TFEB: variants seen among roughly 807,000 people sequenced by gnomAD.
TFEB encodes the protein T-cell transcription factor EB.
TFEB carries 12 observed loss-of-function variants against 48.0 expected under a neutral mutation model. The ratio of observed to expected loss-of-function variants is 0.25; its 90% CI spans 0.16 to 0.40. The LOEUF (loss-of-function observed/expected upper bound fraction) is 0.40. Ranked by LOEUF, TFEB falls within the 10% of genes least tolerant of loss-of-function variation. The pLI is 1.00. For synonymous variants in TFEB, 244 were observed against 261.4 expected (o/e 0.93, Z 0.64); for missense variants, 509 against 640.3 (o/e 0.79, Z 2.21).
chr6:41,698,246 G>A (rs1405819805), intron 1 of TFEB, among the ~76,000 whole-genome samples: 4 of 152,184 alleles, frequency 2.6e-5, no homozygotes. Flanking sequence ...GAGTGGCAAG[G>A]CTGGACCCTG....
rs1395450019 is a variant in TFEB, at chr6:41,687,977, T to C, written c.601A>G (p.Thr201Ala). ...LNVYSSDPQV[T>A]ASLVGVTSSS... Reference sequence around the variant, plus strand: ...CTGGTGACGCCCACCAGGGAGGCTGTGACCTGGGGGTCGCTGCTGTACACA... The same window carrying C: ...CTGGTGACGCCCACCAGGGAGGCTGCGACCTGGGGGTCGCTGCTGTACACA... The change falls in exon 5 of 9, where the codon ACA becomes GCA. Residue 201 changes from threonine (T) to alanine (A), a missense_variant. By Grantham distance (58) the Thr-to-Ala change is moderately conservative. Around this residue, in one of 4 missense-constraint regions of TFEB, gnomAD observed 251 missense variants for 317.2 expected, o/e 0.79. Coordinates refer to ENST00000373033, the MANE Select transcript of TFEB (RefSeq NM_001271944.2). The C allele has an allele frequency of 3.1e-6, 5 of 1,613,984 alleles. No homozygotes were observed. The highest frequency in any genetic ancestry group is 1.7e-6 in the Non-Finnish European group (2 of 1,179,962).
chr6:41,688,788 A>G (rs947153071), intron 4 of TFEB, among the ~76,000 whole-genome samples: 3 of 152,146 alleles, frequency 2.0e-5, no homozygotes, highest in African/African-American at 4.8e-5. Flanking sequence ...GCCAGCTCCT[A>G]CTAAGCCACT....
chr6:41,687,841 GGGAGGGAGGGAGAAAA>G, intron 5 of TFEB, 32 bp from the exon 6 acceptor site: 1 of 1,611,112 alleles, frequency 6.2e-7, no homozygotes, highest in Non-Finnish European at 8.5e-7. Context: ...GAGAGGAGCT[GGGAGGGAGGGAGAAAA>G]GGAGGGAGGA....
In TFEB at chr6:41,691,511, C is replaced by A; in HGVS notation, c.-22-276G>T. 1 of 644,964 alleles carries A rather than the reference C, an allele frequency of 1.6e-6. No individual in the cohort carries two copies. The highest frequency in any genetic ancestry group is 1.7e-5 in the South Asian group (1 of 58,040). The allele number at this position is 644,964 out of a possible 1,614,324, so 40.0% of individuals were successfully genotyped here. On this transcript the variant is annotated intron_variant, in intron 1 of 8. Transcript: ENST00000373033. The surrounding 1 kb of genome is among the most constrained non-coding windows in gnomAD (Gnocchi z 5.2). ...CCCAAACTCTAAGAGTCAACTTCCA[C>A]TCCTCTCTGTGTCACGCCCACATCC...
Position 41,723,466 on chromosome 6 carries a change from A to C in TFEB, c.-23+11884T>G. On this transcript the variant is annotated intron_variant, in intron 1 of 8. Transcript: ENST00000373033. This position sits in a 1 kb window ranked among gnomAD's most constrained non-coding sequence, Gnocchi z 6.0. ...GCACGCGTGTGCTCTCATACCTTCGAGAGGGCAGCCCCCTGGAAGGAGGCC... is the reference window on the plus strand; with the variant it reads ...GCACGCGTGTGCTCTCATACCTTCGCGAGGGCAGCCCCCTGGAAGGAGGCC... 7.8e-7 allele frequency: 1 copy of C among 1,288,900 alleles called. No individual in the cohort carries two copies. Among genetic ancestry groups the C allele is most frequent in the Non-Finnish European group, 1.0e-6 (1 of 988,348 alleles). The allele number at this position is 1,288,900 out of a possible 1,614,324, so 79.8% of individuals were successfully genotyped here.
Position 41,734,934 on chromosome 6 carries a change from C to G in TFEB, c.-23+416G>C, listed in dbSNP as rs1045130402. The G allele has an allele frequency of 2.0e-6, 2 of 985,424 alleles. No individual in the cohort carries two copies. The highest frequency in any genetic ancestry group is 9.4e-5 in the South Asian group (2 of 21,290). The allele number at this position is 985,424 out of a possible 1,614,324, so 61.0% of individuals were successfully genotyped here. A position where few individuals can be genotyped will look rare whatever the true frequency, so the allele number is the denominator to read the frequency against. The stretch of plus-strand genomic sequence containing the variant: ...CCTCTCAGGCATCGCCGGCCCCAGC[C>G]GTGTCCGGTGGAGGGGGAGTGGGCG... On this transcript the variant is annotated intron_variant, in intron 1 of 8. Coordinates refer to ENST00000373033, the MANE Select transcript of TFEB (RefSeq NM_001271944.2). This position sits in a 1 kb window ranked among gnomAD's most constrained non-coding sequence, Gnocchi z 4.0.
rs1242504063 is a variant in TFEB, at chr6:41,687,796, C to A, written c.684G>T (p.Arg228Ser). Residue 228 changes from arginine (R) to serine (S), a missense_variant, in exon 6 of 9, where the codon AGG (arginine) becomes AGT (serine). Transcript: ENST00000373033. ...QKRELTDAES[R>S]ALAKERQKKD... is the part of the protein sequence containing the mutation. ...TCTTCTGCCGCTCCTTGGCCAGGGC[C>A]CTGCTCTCAGCATCTGGAGGCCAAA... The A allele has an allele frequency of 6.2e-7, 1 of 1,613,926 alleles. No homozygotes were observed. The highest frequency in any genetic ancestry group is 8.5e-7 in the Non-Finnish European group (1 of 1,179,918).
At chr6:41,716,679 C>G (rs938218883) in intron 1 of TFEB, among the ~76,000 whole-genome samples, 1 of 152,192 alleles carries the variant, frequency 6.6e-6, no homozygotes, top group African/African-American at 2.4e-5. Flanking sequence ...CACCCCCACC[C>G]CCTTTAGTGC....
At chr6:41,706,511 C>T (rs1024405579) in intron 1 of TFEB, among the ~76,000 whole-genome samples, 1 of 151,790 alleles carries the variant, frequency 6.6e-6, no homozygotes, top group African/African-American at 2.4e-5. Context: ...CCTTACACCC[C>T]CCCACCCCCA....
At chr6:41,709,834 T>G (rs1294217725) in intron 1 of TFEB, among the ~76,000 whole-genome samples, 1 of 152,220 alleles carries the variant, frequency 6.6e-6, no homozygotes, top group African/African-American at 2.4e-5. Flanking sequence ...TCATCCAGGC[T>G]GGAGTGCAGT....
intron 1 of TFEB, chr6:41,733,310 G>A (rs1771528345): frequency 1.3e-5 from 2 of 157,546 alleles, no homozygotes; most frequent in African/African-American, 4.8e-5. Context: ...TAAAAGCCCA[G>A]TTGGCTCTCC....
At position 41,698,731 on chromosome 6, in the gene TFEB, C is replaced by T. The variant is rs72865439; in HGVS notation, c.-22-7496G>A. Among the ~76,000 whole-genome samples, 306 of 152,198 alleles carry T rather than the reference C, an allele frequency of 2.0e-3. 1 individual carries two copies. The highest frequency in any genetic ancestry group is 3.5e-3 in the Non-Finnish European group (239 of 67,994). On this transcript the variant is annotated intron_variant, in intron 1 of 8. Transcript: ENST00000373033. Reference sequence around the variant, plus strand: ...TAAACAAAAGCTTCCTGAACAGGTTCGAGATTCCTGGAGGCAAAGGAAGGG... The same window carrying T: ...TAAACAAAAGCTTCCTGAACAGGTTTGAGATTCCTGGAGGCAAAGGAAGGG...
chr6:41,690,169 C>T (rs9369301), intron 3 of TFEB, among the ~76,000 whole-genome samples: 30,998 of 150,856 alleles, frequency 0.21, 3,529 homozygotes, highest in East Asian at 0.36. Flanking sequence ...CTCACTCTGT[C>T]GCCCAGGCTG....
intron 1 of TFEB, among the ~76,000 whole-genome samples, chr6:41,712,298 G>A (rs953711526): frequency 3.3e-5 from 5 of 152,146 alleles, no homozygotes; most frequent in African/African-American, 4.8e-5. Flanking sequence ...TCTACCCTGG[G>A]GACATATATT....
Position 41,690,757 on chromosome 6 carries a change from A to G in TFEB, c.374T>C (p.Val125Ala), listed in dbSNP as rs750334320. The change falls in exon 3 of 9, where the codon GTG becomes GCG. Residue 125 changes from valine (V) to alanine (A), a missense_variant. By Grantham distance (64) the Val-to-Ala change is moderately conservative. This residue lies in a region of TFEB where 251 missense variants were observed against 317.2 expected (regional missense o/e 0.79). Transcript: ENST00000373033. Reference sequence around the variant, plus strand: ...GGAGGACAGCACGTGTCCAGCTCGCACCCCTGGGGAGGCGGCTGGTGGGGG... The same window carrying G: ...GGAGGACAGCACGTGTCCAGCTCGCGCCCCTGGGGAGGCGGCTGGTGGGGG... ...PKPPPAASPG[V>A]RAGHVLSSSA... is the part of the protein sequence containing the mutation. The G allele has an allele frequency of 6.2e-7, 1 of 1,608,048 alleles. No homozygotes were observed. Among genetic ancestry groups the G allele is most frequent in the African/African-American group, 1.3e-5 (1 of 74,824 alleles).
intron 7 of TFEB, 133 bp downstream of exon 7, chr6:41,686,961 T>A: frequency 1.3e-6 from 1 of 773,422 alleles, no homozygotes; most frequent in South Asian, 1.6e-5. Flanking sequence ...GGAGAGATCT[T>A]TTCTCAAATA....
rs1771396711 is a variant in TFEB at position 41,730,231 on chromosome 6, G to A, written c.-23+5119C>T. ...GATCATAATACCCAGCCAGGCTGCAGTAAGATGGAACAGTGCCCCGGTCTC... is the reference window on the plus strand; with the variant it reads ...GATCATAATACCCAGCCAGGCTGCAATAAGATGGAACAGTGCCCCGGTCTC... On this transcript the variant is annotated intron_variant, in intron 1 of 8. Transcript: ENST00000373033. The surrounding 1 kb of genome is among the most constrained non-coding windows in gnomAD (Gnocchi z 4.1). Among the ~76,000 whole-genome samples, 1 of 152,190 alleles carries A rather than the reference G, an allele frequency of 6.6e-6. No individual in the cohort carries two copies. The highest frequency in any genetic ancestry group is 2.1e-4 in the South Asian group (1 of 4,832).
rs1410414406 is a variant in TFEB, at chr6:41,690,650, G to C, written c.468+13C>G. The C allele has an allele frequency of 6.6e-7, 1 of 1,510,886 alleles. No individual in the cohort carries two copies. Among genetic ancestry groups the C allele is most frequent in the Non-Finnish European group, 8.9e-7 (1 of 1,126,458 alleles). The allele number at this position is 1,510,886 out of a possible 1,614,324, so 93.6% of individuals were successfully genotyped here. A position where few individuals can be genotyped will look rare whatever the true frequency, so the allele number is the denominator to read the frequency against. On this transcript the variant is annotated intron_variant, in intron 3 of 8. Coordinates refer to ENST00000373033, the MANE Select transcript of TFEB (RefSeq NM_001271944.2). ...CTGCAAGCAGCATGGCCACTGGCCA[G>C]CTCCTCACTCACCTCCCTCTCAGGG...
chr6:41,697,506 C>T (rs996079269), intron 1 of TFEB, among the ~76,000 whole-genome samples: 73 of 150,352 alleles, frequency 4.9e-4, no homozygotes, highest in Non-Finnish European at 9.5e-4. Context: ...TCTCCAAACC[C>T]CCCCCCTTCC....
Sources: gnomAD v4.1 joint callset for allele counts (sites outside exome capture counted in the v4.1 genomes callset) on GRCh38, gnomAD v4.1.1 for gene constraint, gnomAD v4.1.1 regional missense constraint, Gnocchi (gnomAD v3.1) non-coding constraint, MANE v1.5 for transcripts, NCBI Gene and HGNC (gene_info 2026-07-23, HGNC 2026-07-21) for gene names.